The following NREP variants were observed in gnomAD, a reference collection of about 807,000 sequenced individuals.
The protein encoded by NREP is neuronal regeneration related protein.
In NREP, 5 loss-of-function variants were observed where a neutral mutation model predicts 8.6. That is an observed-to-expected ratio of 0.58 (90% CI 0.30 to 1.22). NREP has a LOEUF of 1.22. Among genes scored for constraint, NREP ranks in the 50% most tolerant of loss-of-function variants. NREP has a pLI of 0.07. For synonymous variants in NREP, 27 were observed against 28.0 expected, an observed-to-expected ratio of 0.96 and a Z score of 0.11; for missense variants, 86 against 82.5, an observed-to-expected ratio of 1.04 and a Z score of -0.17.
intron 2 of NREP, among the ~76,000 whole-genome samples, chr5:111,881,709 C>T: frequency 6.6e-6 from 1 of 152,140 alleles, no homozygotes. Context: ...CTGCAGATAC[C>T]CCGGCAAACA....
At chr5:111,915,922 A>G (rs1327552621) in intron 2 of NREP, among the ~76,000 whole-genome samples, 1 of 152,128 alleles carries the variant, frequency 6.6e-6, no homozygotes. Context: ...GAATTGTCCC[A>G]ATAAGTCACT....
At chr5:111,975,304 C>T (rs1756931127) in exon 2 of NREP, 3 of 1,551,444 alleles carry the variant, frequency 1.9e-6, no homozygotes, top group African/African-American at 2.7e-5. Flanking sequence ...GGCAGTGAAC[C>T]TGGAAACATT....
At chr5:111,890,110 A>G (rs1031532011) in intron 2 of NREP, among the ~76,000 whole-genome samples, 1 of 152,204 alleles carries the variant, frequency 6.6e-6, no homozygotes, top group African/African-American at 2.4e-5. Flanking sequence ...CCCGACAGGT[A>G]CAATCATTGG....
chr5:111,812,323 T>G (rs1752289971), intron 2 of NREP, among the ~76,000 whole-genome samples: 1 of 151,874 alleles, frequency 6.6e-6, no homozygotes, highest in African/African-American at 2.4e-5. Flanking sequence ...ACAATCAAAC[T>G]TTAGTTTTTA....
At chr5:111,883,963 T>C (rs1288358692) in intron 2 of NREP, among the ~76,000 whole-genome samples, 1 of 151,644 alleles carries the variant, frequency 6.6e-6, no homozygotes, top group African/African-American at 2.4e-5. Flanking sequence ...AGGCAAGAAA[T>C]AACTAATATC....
chr5:111,821,792 GCT>G (rs922446195), intron 2 of NREP, among the ~76,000 whole-genome samples: 5 of 152,056 alleles, frequency 3.3e-5, no homozygotes, highest in African/African-American at 1.2e-4. Flanking sequence ...TCCTTATTTA[GCT>G]CTCTCTTGCC....
At chr5:111,741,085 C>T (rs994312026) in intron 2 of NREP, among the ~76,000 whole-genome samples, 1 of 152,170 alleles carries the variant, frequency 6.6e-6, no homozygotes, top group African/African-American at 2.4e-5. Context: ...TAATGTTATT[C>T]TTTATCCCTG....
intron 2 of NREP, among the ~76,000 whole-genome samples, chr5:111,860,364 A>T (rs577708177): frequency 6.6e-6 from 1 of 152,148 alleles, no homozygotes; most frequent in Admixed American, 6.5e-5. Context: ...TCTTCCATTT[A>T]TGCCTTTTTC....
intron 2 of NREP, among the ~76,000 whole-genome samples, chr5:111,884,716 A>T (rs541845626): frequency 1.3e-5 from 2 of 152,350 alleles, no homozygotes; most frequent in East Asian, 3.9e-4. Context: ...AGAACCAAAC[A>T]CAAAAACCAC....
intron 2 of NREP, among the ~76,000 whole-genome samples, chr5:111,767,692 G>C (rs1415511217): frequency 6.6e-6 from 1 of 152,102 alleles, no homozygotes; most frequent in African/African-American, 2.4e-5. Flanking sequence ...TTGAGACAGA[G>C]TCTTTCTCTG....
At position 111,861,936 on chromosome 5, in the gene NREP, G is replaced by A. The variant is rs914061654; in HGVS notation, c.135+113338C>T. Among the ~76,000 whole-genome samples the A allele has an allele frequency of 3.3e-4, 50 of 152,008 alleles. 1 individual carries two copies. Among genetic ancestry groups the A allele is most frequent in the Non-Finnish European group, 1.2e-4 (8 of 67,998 alleles). The stretch of plus-strand genomic sequence containing the variant: ...ATCAAGTAAAAAATGAAATGAAATG[G>A]TGCATCTACATATGATTTTCTTATT... On this transcript the variant is annotated intron_variant, in intron 2 of 3. Coordinates refer to the NREP transcript ENST00000395634.
chr5:111,754,165 G>A (rs1247733797), intron 2 of NREP, among the ~76,000 whole-genome samples: 1 of 152,094 alleles, frequency 6.6e-6, no homozygotes, highest in African/African-American at 2.4e-5. Context: ...ATACATAAAC[G>A]ACAACTGCAA....
chr5:111,974,411 T>C (rs1336560669), intron 2 of NREP: 1 of 152,132 alleles, frequency 6.6e-6, no homozygotes, highest in Non-Finnish European at 1.5e-5. Context: ...GAACGCATCA[T>C]AAACATATCT....
At chr5:111,842,866 CCT>C (rs1044041199) in intron 2 of NREP, among the ~76,000 whole-genome samples, 7 of 152,094 alleles carry the variant, frequency 4.6e-5, no homozygotes, top group African/African-American at 1.4e-4. Flanking sequence ...ATTGAGTTTT[CCT>C]CTTTTAGTAC....
chr5:111,824,310 A>G (rs371277304), intron 2 of NREP, among the ~76,000 whole-genome samples: 15 of 152,368 alleles, frequency 9.8e-5, no homozygotes, highest in African/African-American at 3.4e-4. Context: ...CGGAGCTTCC[A>G]GTGAGCAGAA....
At chr5:111,962,541 G>C (rs554846055) in intron 2 of NREP, among the ~76,000 whole-genome samples, 8 of 152,150 alleles carry the variant, frequency 5.3e-5, no homozygotes, top group Non-Finnish European at 1.0e-4. Context: ...AGAAATCCTA[G>C]GCAGACAGGG....
intron 2 of NREP, among the ~76,000 whole-genome samples, chr5:111,843,025 T>G (rs1753069280): frequency 2.0e-5 from 3 of 152,162 alleles, no homozygotes; most frequent in Non-Finnish European, 4.4e-5. Flanking sequence ...GTGGTGAAGA[T>G]CTTTTTTATG....
At chr5:111,818,732 T>C (rs928444225) in intron 2 of NREP, among the ~76,000 whole-genome samples, 1 of 152,218 alleles carries the variant, frequency 6.6e-6, no homozygotes, top group Non-Finnish European at 1.5e-5. Context: ...TAAAGTAATG[T>C]AGTGTACCAT....
At chr5:111,815,720 A>G (rs1190785700) in intron 2 of NREP, among the ~76,000 whole-genome samples, 1 of 152,278 alleles carries the variant, frequency 6.6e-6, no homozygotes, top group Non-Finnish European at 1.5e-5. Flanking sequence ...AAGCACAGAA[A>G]GAAAAAGAAA....
Sources: allele counts gnomAD v4.1 joint callset (sites outside exome capture counted in the v4.1 genomes callset), GRCh38; gene constraint gnomAD v4.1.1; transcripts MANE v1.5; gene names NCBI Gene and HGNC (gene_info 2026-07-23, HGNC 2026-07-21).